LAX1: variants seen among roughly 807,000 people sequenced by gnomAD.
The protein encoded by LAX1 is lymphocyte transmembrane adaptor 1, also known as lymphocyte transmembrane adapter 1.
A neutral mutation model predicts 20.7 loss-of-function variants in LAX1; 17 were observed. The observed-to-expected ratio is 0.82, with a 90% confidence interval of 0.56 to 1.23. The LOEUF (loss-of-function observed/expected upper bound fraction) is 1.23. Ranked by LOEUF, LAX1 falls within the 50% of genes most tolerant of loss-of-function variation. LAX1 has a pLI of 0.00. For synonymous variants in LAX1, 165 were observed against 181.0 expected (o/e 0.91, Z 0.71); for missense variants, 470 against 487.0 (o/e 0.97, Z 0.33).
At chr1:203,771,587 C>G in intron 3 of LAX1, 110 bp downstream of exon 3, 1 of 762,500 alleles carries the variant, frequency 1.3e-6, no homozygotes, top group Non-Finnish European at 2.4e-6. Context: ...ACCTGTTTGC[C>G]CTTCAGAGAG....
At position 203,765,309 on chromosome 1, in the gene LAX1, C is replaced by T. The variant is rs1189251106; in HGVS notation, c.-257C>T. ...GTGAAGGCAGAGGCCACAGATTCTCCCTGAGCCACCTCACTTGGAAGCACC... is the reference window on the plus strand; with the variant it reads ...GTGAAGGCAGAGGCCACAGATTCTCTCTGAGCCACCTCACTTGGAAGCACC... On this transcript the variant is annotated 5_prime_UTR_variant, in exon 1 of 5. Coordinates refer to ENST00000442561, the MANE Select transcript of LAX1 (RefSeq NM_017773.4). 4 of 1,546,996 alleles carry T rather than the reference C, an allele frequency of 2.6e-6. No homozygotes were observed. The highest frequency in any genetic ancestry group is 3.5e-6 in the Non-Finnish European group (4 of 1,142,952).
chr1:203,766,547 G>A (rs1335279406), intron 1 of LAX1, among the ~76,000 whole-genome samples: 2 of 152,210 alleles, frequency 1.3e-5, no homozygotes, highest in Non-Finnish European at 2.9e-5. Context: ...CATGTCACTT[G>A]CTGGTAGATA....
rs764229394 is a variant in LAX1 at position 203,772,086 on chromosome 1, G to C, written c.329G>C (p.Ser110Thr). 6.8e-6 allele frequency: 11 copies of C among 1,614,084 alleles called. No homozygotes were observed. Among genetic ancestry groups the C allele is most frequent in the Non-Finnish European group, 7.6e-6 (9 of 1,179,906 alleles). Residue 110 changes from serine to threonine, a missense_variant, in exon 4 of 5, where the codon AGT becomes ACT. Coordinates refer to ENST00000442561, the MANE Select transcript of LAX1 (RefSeq NM_017773.4). ...CTTTCAGGGAGACATGAGTCGAGGA[G>C]TATGCGCATTTTCAGTACTGAGAGC... ...QEDLGRHESR[S>T]MRIFSTESLL...
chr1:203,765,413 T>A lies in LAX1; in HGVS notation c.-153T>A, dbSNP rs1667288561. The A allele has an allele frequency of 6.4e-7, 1 of 1,552,146 alleles. No individual in the cohort carries two copies. The highest frequency in any genetic ancestry group is 1.4e-5 in the African/African-American group (1 of 73,188). On this transcript the variant is annotated 5_prime_UTR_variant, in exon 1 of 5. An upstream open reading frame in the 5' UTR gains an earlier in-frame stop. Transcript: ENST00000442561. ...AACCAAACCTGTTGCTTTTGTATGT[T>A]GGGTCAACTTGGCCTGACGTTTCAG...
chr1:203,766,595 T>A (rs1264095429), intron 1 of LAX1, among the ~76,000 whole-genome samples: 1 of 152,222 alleles, frequency 6.6e-6, no homozygotes, highest in Non-Finnish European at 1.5e-5. Context: ...GCCTGAAGCA[T>A]CTCTCCAAAA....
chr1:203,774,277 T>G lies in LAX1; in HGVS notation c.793T>G (p.Ser265Ala), dbSNP rs1466882162. 3.1e-6 allele frequency: 5 copies of G among 1,614,056 alleles called. No individual in the cohort carries two copies. The highest frequency in any genetic ancestry group is 4.2e-6 in the Non-Finnish European group (5 of 1,180,044). ...CAATGGAGAAGGTTCTTCTCAGATC[T>G]CAAATGACTATGTCAACATGACAGG... ...LSNGEGSSQI[S>A]NDYVNMTGLD... Residue 265 changes from serine to alanine, a missense_variant, in exon 5 of 5, where the codon TCA becomes GCA. Coordinates refer to ENST00000442561, the MANE Select transcript of LAX1 (RefSeq NM_017773.4).
Position 203,771,466 on chromosome 1 carries a change from A to C in LAX1, c.299A>C (p.Gln100Pro), listed in dbSNP as rs1667421147. The C allele has an allele frequency of 6.2e-7, 1 of 1,605,332 alleles. No homozygotes were observed. Among genetic ancestry groups the C allele is most frequent in the East Asian group, 2.2e-5 (1 of 44,826 alleles). Residue 100 changes from glutamine (Q) to proline (P), a missense_variant, in exon 3 of 5, where the codon CAG becomes CCG. By Grantham distance (76) the Gln-to-Pro change is moderately conservative. Transcript: ENST00000442561. ...ATTTATGACATCTTGCCTTGGCGACAGGAAGACCTGGGTAGGTTTTTCCTT... is the reference window on the plus strand; with the variant it reads ...ATTTATGACATCTTGCCTTGGCGACCGGAAGACCTGGGTAGGTTTTTCCTT... ...KNIYDILPWR[Q>P]EDLGRHESRS...
At position 203,765,253 on chromosome 1, in the gene LAX1, C is replaced by A. The variant is rs1667285567; in HGVS notation, c.-313C>A. The A allele has an allele frequency of 2.5e-6, 3 of 1,198,974 alleles. No homozygotes were observed. Among genetic ancestry groups the A allele is most frequent in the Admixed American group, 4.0e-5 (2 of 50,064 alleles). The allele number at this position is 1,198,974 out of a possible 1,614,324, so 74.3% of individuals were successfully genotyped here. ...CTCTTGAGCCTCTTGGCAGTTTCCC[C>A]CTCTGTGCCCCTCACGTTTCCACCA... On this transcript the variant is annotated 5_prime_UTR_variant, in exon 1 of 5. Coordinates refer to ENST00000442561, the MANE Select transcript of LAX1 (RefSeq NM_017773.4).
At chr1:203,771,597 G>GT in intron 3 of LAX1, 120 bp downstream of exon 3, 1 of 728,378 alleles carries the variant, frequency 1.4e-6, no homozygotes, top group Non-Finnish European at 2.5e-6. Context: ...CCTTCAGAGA[G>GT]TATCAGGGAG....
chr1:203,769,447 A>C (rs1380409865), intron 1 of LAX1, among the ~76,000 whole-genome samples: 2 of 118,826 alleles, frequency 1.7e-5, no homozygotes, highest in Non-Finnish European at 4.0e-5. Flanking sequence ...GAAAGAAGGA[A>C]AGAAAGAAAA....
chr1:203,765,546 T>G lies in LAX1; in HGVS notation c.-20T>G. 1 of 1,614,062 alleles carries G rather than the reference T, an allele frequency of 6.2e-7. No individual in the cohort carries two copies. Among genetic ancestry groups the G allele is most frequent in the South Asian group, 1.1e-5 (1 of 91,034 alleles). ...ACTTAGAAGCTGAAGCCAGAGAGCATCTCAAAGGTTCCTGATACAATGGAT... is the reference window on the plus strand; with the variant it reads ...ACTTAGAAGCTGAAGCCAGAGAGCAGCTCAAAGGTTCCTGATACAATGGAT... On this transcript the variant is annotated 5_prime_UTR_variant, in exon 1 of 5. Transcript: ENST00000442561.
chr1:203,769,788 C>CGTT (rs1667373679), intron 1 of LAX1: 1 of 50,948 alleles, frequency 2.0e-5, no homozygotes, highest in African/African-American at 9.0e-5. Flanking sequence ...GGGGGGGCGG[C>CGTT]GGGGGGTGGG....
intron 3 of LAX1, 87 bp from the exon 4 acceptor site, chr1:203,771,981 A>T: frequency 9.1e-7 from 1 of 1,097,864 alleles, no homozygotes. Flanking sequence ...CACCACGCAA[A>T]CCCGCTTCAT....
chr1:203,774,729 A>G lies in LAX1; in HGVS notation c.*48A>G. On this transcript the variant is annotated 3_prime_UTR_variant, in exon 5 of 5. Coordinates refer to ENST00000442561, the MANE Select transcript of LAX1 (RefSeq NM_017773.4). Reference sequence around the variant, plus strand: ...AGCCACATTGAGTAGTCTATCCCATAGGATTGACTACTGCAGAGTCTAGTG... The same window carrying G: ...AGCCACATTGAGTAGTCTATCCCATGGGATTGACTACTGCAGAGTCTAGTG... 31 of 1,455,958 alleles carry G rather than the reference A, an allele frequency of 2.1e-5. No individual in the cohort carries two copies. Among genetic ancestry groups the G allele is most frequent in the Non-Finnish European group, 2.9e-5 (30 of 1,051,036 alleles). The allele number at this position is 1,455,958 out of a possible 1,614,324, so 90.2% of individuals were successfully genotyped here. A position where few individuals can be genotyped will look rare whatever the true frequency, so the allele number is the denominator to read the frequency against.
chr1:203,769,155 G>A (rs1667353023), intron 1 of LAX1, among the ~76,000 whole-genome samples: 1 of 151,950 alleles, frequency 6.6e-6, no homozygotes, highest in Non-Finnish European at 1.5e-5. Context: ...TTGGGAGACT[G>A]AGGCAGGCGG....
In LAX1 at chr1:203,765,666, A is replaced by G; in HGVS notation, c.89+12A>G. On this transcript the variant is annotated intron_variant, in intron 1 of 4. Transcript: ENST00000442561. ...CGCAGCCTGGACAGGTGAGTGACTCAGGGTGGTGAGCTCCACCCTGCCCTG... is the reference window on the plus strand; with the variant it reads ...CGCAGCCTGGACAGGTGAGTGACTCGGGGTGGTGAGCTCCACCCTGCCCTG... 1 of 1,613,574 alleles carries G rather than the reference A, an allele frequency of 6.2e-7. No homozygotes were observed. The highest frequency in any genetic ancestry group is 8.5e-7 in the Non-Finnish European group (1 of 1,179,680).
In LAX1 at chr1:203,765,407, G is replaced by A. The variant is rs1302171604; in HGVS notation, c.-159G>A. 6.4e-7 allele frequency: 1 copy of A among 1,551,986 alleles called. No individual in the cohort carries two copies. ...AGGTAGAACCAAACCTGTTGCTTTT[G>A]TATGTTGGGTCAACTTGGCCTGACG... On this transcript the variant is annotated 5_prime_UTR_variant, in exon 1 of 5. Transcript: ENST00000442561.
At position 203,774,959 on chromosome 1, in the gene LAX1, G is replaced by A. The variant is rs978516001; in HGVS notation, c.*278G>A. On this transcript the variant is annotated 3_prime_UTR_variant, in exon 5 of 5. Transcript: ENST00000442561. ...CTTCCTAGAACTGTGAAGAAAGCAG[G>A]AAAGTAGTGCACAGTAGTCTAAGAT... The A allele has an allele frequency of 4.3e-6, 2 of 460,782 alleles. No individual in the cohort carries two copies. The highest frequency in any genetic ancestry group is 3.4e-5 in the South Asian group (1 of 29,274). 28.5% of individuals were successfully genotyped at this position (460,782 alleles called of 1,614,324 possible). A position where few individuals can be genotyped will look rare whatever the true frequency, so the allele number is the denominator to read the frequency against.
chr1:203,774,256 G>T lies in LAX1; in HGVS notation c.772G>T (p.Gly258Ter). Residue 258 changes from glycine to a stop codon, truncating the protein, a stop_gained, in exon 5 of 5, where the codon GGA becomes TGA. Transcript: ENST00000442561. LOFTEE classifies it low-confidence loss of function (END_TRUNC). ...TGAGGACAGTGATTCACTCAGCAATGGAGAAGGTTCTTCTCAGATCTCAAA... is the reference window on the plus strand; with the variant it reads ...TGAGGACAGTGATTCACTCAGCAATTGAGAAGGTTCTTCTCAGATCTCAAA... ...GAEDSDSLSN[G>*]EGSSQISNDY... The T allele has an allele frequency of 6.2e-7, 1 of 1,614,140 alleles. No individual in the cohort carries two copies. The highest frequency in any genetic ancestry group is 8.5e-7 in the Non-Finnish European group (1 of 1,180,040).
Sources: allele counts gnomAD v4.1 joint callset (sites outside exome capture counted in the v4.1 genomes callset), GRCh38; gene constraint gnomAD v4.1.1; transcripts MANE v1.5; gene names NCBI Gene and HGNC (gene_info 2026-07-23, HGNC 2026-07-21).